Variants in RCAN2 observed in about 807,000 individuals in gnomAD.
The protein encoded by RCAN2 is calcipressin-2.
A neutral mutation model predicts 23.6 loss-of-function variants in RCAN2; 9 were observed. The observed-to-expected ratio is 0.38, with a 90% CI of 0.23 to 0.67. The LOEUF is 0.67. Among genes scored for constraint, RCAN2 ranks in the 30% least tolerant of loss-of-function variants. The pLI is 0.51. For missense variants in RCAN2, 273 were observed against 302.3 expected (o/e 0.90, Z 0.72); for synonymous variants, 109 against 115.7 (o/e 0.94, Z 0.37).
intron 2 of RCAN2, among the ~76,000 whole-genome samples, chr6:46,446,513 T>C (rs1034903727): frequency 1.3e-5 from 2 of 152,154 alleles, no homozygotes; most frequent in Admixed American, 6.5e-5. Context: ...CATAGGAAAG[T>C]ATAAAATTTG....
chr6:46,306,151 G>T (rs1763060151), intron 2 of RCAN2, among the ~76,000 whole-genome samples: 1 of 152,106 alleles, frequency 6.6e-6, no homozygotes, highest in Non-Finnish European at 1.5e-5. Flanking sequence ...GGTGCCAATG[G>T]CAGTGTGGCA....
At chr6:46,426,287 C>T (rs1027841372) in intron 2 of RCAN2, among the ~76,000 whole-genome samples, 13 of 152,098 alleles carry the variant, frequency 8.5e-5, no homozygotes, top group South Asian at 2.1e-4. Flanking sequence ...TGAATATTTT[C>T]GCAGAATGTT....
chr6:46,285,477 G>C (rs533741498), intron 2 of RCAN2, among the ~76,000 whole-genome samples: 2 of 152,158 alleles, frequency 1.3e-5, no homozygotes, highest in African/African-American at 4.8e-5. Flanking sequence ...AAATAAAGAG[G>C]TTCTAATCGA....
intron 2 of RCAN2, among the ~76,000 whole-genome samples, chr6:46,310,468 G>A (rs1218936612): frequency 6.6e-6 from 1 of 152,024 alleles, no homozygotes; most frequent in Non-Finnish European, 1.5e-5. Context: ...ATTAGAAGGT[G>A]GAATGAATGA....
At chr6:46,321,053 C>T (rs556265473) in intron 2 of RCAN2, among the ~76,000 whole-genome samples, 16 of 152,294 alleles carry the variant, frequency 1.1e-4, no homozygotes, top group African/African-American at 3.8e-4. Context: ...CTACTATTCA[C>T]TCTATGTGGA....
chr6:46,250,435 A>C, intron 2 of RCAN2, among the ~76,000 whole-genome samples: 1 of 152,238 alleles, frequency 6.6e-6, no homozygotes, highest in South Asian at 2.1e-4. Context: ...GTAATTTCTC[A>C]TAACAGTGAG....
intron 2 of RCAN2, among the ~76,000 whole-genome samples, chr6:46,328,935 G>C (rs1314587963): frequency 6.6e-6 from 1 of 152,096 alleles, no homozygotes; most frequent in African/African-American, 2.4e-5. Flanking sequence ...ATAGCTAGGG[G>C]CTGACTTGCA....
intron 2 of RCAN2, among the ~76,000 whole-genome samples, chr6:46,266,543 A>T (rs1035133372): frequency 3.9e-5 from 6 of 152,130 alleles, no homozygotes; most frequent in Non-Finnish European, 8.8e-5. Context: ...GTGACCCCCA[A>T]TCTGCCTAGG....
intron 2 of RCAN2, among the ~76,000 whole-genome samples, chr6:46,407,343 G>A (rs1287803781): frequency 6.6e-6 from 1 of 152,148 alleles, no homozygotes; most frequent in African/African-American, 2.4e-5. Context: ...TTCTATGCAG[G>A]CAGCAACCAC....
intron 3 of RCAN2, among the ~76,000 whole-genome samples, 196 bp from the exon 4 acceptor site, chr6:46,247,115 T>C (rs914754515): frequency 6.6e-6 from 1 of 152,150 alleles, no homozygotes; most frequent in African/African-American, 2.4e-5. Flanking sequence ...ATCTCAACCT[T>C]TACTGTACAT....
intron 2 of RCAN2, among the ~76,000 whole-genome samples, chr6:46,273,522 G>T (rs1767585501): frequency 6.6e-6 from 1 of 152,056 alleles, no homozygotes; most frequent in African/African-American, 2.4e-5. Flanking sequence ...ATGACTTAAG[G>T]AGCTTAAGTG....
intron 2 of RCAN2, among the ~76,000 whole-genome samples, chr6:46,455,325 C>T (rs1389304871): frequency 2.0e-5 from 3 of 152,152 alleles, no homozygotes; most frequent in Admixed American, 2.0e-4. Context: ...CAACTCCACA[C>T]TGATATCATT....
intron 2 of RCAN2, among the ~76,000 whole-genome samples, chr6:46,442,254 AC>A (rs1404704998): frequency 1.3e-5 from 2 of 152,338 alleles, no homozygotes; most frequent in African/African-American, 4.8e-5. Flanking sequence ...CTCAAGAGTT[AC>A]CTTTGAATTT....
intron 2 of RCAN2, among the ~76,000 whole-genome samples, chr6:46,342,957 TA>T (rs1183094743): frequency 6.6e-6 from 1 of 152,086 alleles, no homozygotes. Flanking sequence ...ATTAGAGTCT[TA>T]AAAGCAGAAG....
chr6:46,255,284 G>A (rs1766869380), intron 2 of RCAN2, among the ~76,000 whole-genome samples: 1 of 152,026 alleles, frequency 6.6e-6, no homozygotes, highest in Admixed American at 6.6e-5. Flanking sequence ...TGAGGGATAG[G>A]AGAAGAAACA....
intron 4 of RCAN2, among the ~76,000 whole-genome samples, chr6:46,225,026 T>C (rs1457405068): frequency 1.3e-5 from 2 of 151,044 alleles, no homozygotes; most frequent in Non-Finnish European, 2.9e-5. Context: ...AGTGAGAATA[T>C]GTGGTGTTTG....
At chr6:46,435,660 G>T (rs921747233) in intron 2 of RCAN2, among the ~76,000 whole-genome samples, 1 of 152,146 alleles carries the variant, frequency 6.6e-6, no homozygotes, top group Admixed American at 6.5e-5. Flanking sequence ...ATTAAAATTT[G>T]AAATGCCTTT....
At chr6:46,487,577 T>A (rs1166339846) in intron 1 of RCAN2, among the ~76,000 whole-genome samples, 1 of 152,154 alleles carries the variant, frequency 6.6e-6, no homozygotes, top group Non-Finnish European at 1.5e-5. Context: ...CACAATAATC[T>A]CACAATATGT....
chr6:46,348,855 G>A lies in RCAN2; in HGVS notation c.226-99959C>T, dbSNP rs551714080. ...AAAATGCATATTAAATGATGCCTCC[G>A]TAAGACATATTCCCCCAATTATTCC... On this transcript the variant is annotated intron_variant, in intron 2 of 4. Coordinates refer to ENST00000371374, the MANE Select transcript of RCAN2 (RefSeq NM_001251974.2). Among the ~76,000 whole-genome samples the A allele has an allele frequency of 1.1e-4, 17 of 152,232 alleles. No homozygotes were observed. The East Asian group carries it at 2.7e-3, about 24-fold the overall frequency.
Sources: allele counts gnomAD v4.1 joint callset (sites outside exome capture counted in the v4.1 genomes callset), GRCh38; gene constraint gnomAD v4.1.1; transcripts MANE v1.5; gene names NCBI Gene and HGNC (gene_info 2026-07-23, HGNC 2026-07-21).